PM20D1: variants seen among roughly 807,000 people sequenced by gnomAD.
The protein encoded by PM20D1 is peptidase M20 domain containing 1.
A neutral mutation model predicts 53.8 loss-of-function variants in PM20D1; 53 were observed. The observed-to-expected ratio is 0.98, with a 90% CI of 0.79 to 1.24. PM20D1 has a LOEUF of 1.24. PM20D1 is among the 50% of genes most tolerant of loss of function. The probability of loss-of-function intolerance (pLI) is 0.00; values close to 1 mark genes in which losing one functional copy is unlikely to be tolerated. For synonymous variants in PM20D1, 239 were observed against 241.3 expected, an observed-to-expected ratio of 0.99 and a Z score of 0.09; for missense variants, 564 against 616.8, an observed-to-expected ratio of 0.91 and a Z score of 0.91.
In PM20D1 at chr1:205,849,890, G is replaced by C. The variant is rs111610157; in HGVS notation, c.169+14C>G. On this transcript the variant is annotated intron_variant, in intron 1 of 12. Coordinates refer to ENST00000367136, the MANE Select transcript of PM20D1 (RefSeq NM_152491.5). The stretch of plus-strand genomic sequence containing the variant: ...ACATATGAGCATAGGTGGGTGAAGG[G>C]GACCCGGGTTCACCTTTCAGCGCCT... 3 of 1,605,866 alleles carry C rather than the reference G, an allele frequency of 1.9e-6. No individual in the cohort carries two copies. Among genetic ancestry groups the C allele is most frequent in the Middle Eastern group, 1.7e-4 (1 of 6,038 alleles).
At chr1:205,833,494 C>T (rs1392195327) in intron 10 of PM20D1, among the ~76,000 whole-genome samples, 2 of 152,224 alleles carry the variant, frequency 1.3e-5, no homozygotes, top group African/African-American at 4.8e-5. Context: ...GAGCTCAACA[C>T]AGACAAAAAG....
chr1:205,841,663 A>T, intron 9 of PM20D1, 148 bp downstream of exon 9: 1 of 786,038 alleles, frequency 1.3e-6, no homozygotes, highest in Non-Finnish European at 2.1e-6. Flanking sequence ...TCCCTTCAAG[A>T]TTTCAGAAAG....
In PM20D1 at chr1:205,828,717, G is replaced by C. The variant is rs755179325; in HGVS notation, c.1412C>G (p.Ser471Ter). 1 of 1,614,106 alleles carries C rather than the reference G, an allele frequency of 6.2e-7. No homozygotes were observed. Among genetic ancestry groups the C allele is most frequent in the Non-Finnish European group, 8.5e-7 (1 of 1,179,978 alleles). The change falls in exon 13 of 13, where the codon TCA (serine) becomes TGA (stop). Residue 471 changes from serine to a stop codon, truncating the protein, a stop_gained. Transcript: ENST00000367136. LOFTEE classifies it high-confidence loss of function. The part of the protein sequence containing the change: ...KRIHGVNEKI[S>*]VQAYETQVKF... ...CACTTGGGTCTCATAGGCTTGGACTGAGATTTTCTCGTTGACTCCATGGAT... is the reference window on the plus strand; with the variant it reads ...CACTTGGGTCTCATAGGCTTGGACTCAGATTTTCTCGTTGACTCCATGGAT...
rs565528324 is a variant in PM20D1, at chr1:205,830,260, C to T, written c.1385+20G>A. On this transcript the variant is annotated intron_variant, in intron 12 of 12. Coordinates refer to ENST00000367136, the MANE Select transcript of PM20D1 (RefSeq NM_152491.5). Reference sequence around the variant, plus strand: ...TGTATTTCTTTTCTCCCACCTGCTGCTCAAACCTGTTCCACTCACCGTTTG... The same window carrying T: ...TGTATTTCTTTTCTCCCACCTGCTGTTCAAACCTGTTCCACTCACCGTTTG... The T allele has an allele frequency of 4.1e-5, 62 of 1,530,192 alleles. No individual in the cohort carries two copies. Among genetic ancestry groups the T allele is most frequent in the Non-Finnish European group, 5.4e-5 (60 of 1,103,812 alleles). The allele number at this position is 1,530,192 out of a possible 1,614,324, so 94.8% of individuals were successfully genotyped here. A position where few individuals can be genotyped will look rare whatever the true frequency, so the allele number is the denominator to read the frequency against.
Position 205,842,846 on chromosome 1 carries a change from C to T in PM20D1, c.828-95G>A, listed in dbSNP as rs78333258. On this transcript the variant is annotated intron_variant, in intron 6 of 12. Coordinates refer to ENST00000367136, the MANE Select transcript of PM20D1 (RefSeq NM_152491.5). ...GAAGGGAGATAGGAGGAAGTTTCAA[C>T]GCTCCTGGCCAAGAGGTCTCTCATT... 340 of 1,089,100 alleles carry T rather than the reference C, an allele frequency of 3.1e-4. 1 individual carries two copies. In the East Asian group the frequency reaches 6.1e-3, roughly 19 times the overall value. 67.5% of individuals were successfully genotyped at this position (1,089,100 alleles called of 1,614,324 possible).
rs1289534832 is a variant in PM20D1, at chr1:205,842,060, T to C, written c.965+94A>G. 7 of 1,310,814 alleles carry C rather than the reference T, an allele frequency of 5.3e-6. No homozygotes were observed. The East Asian group carries it at 1.6e-4, about 31-fold the overall frequency. 81.2% of individuals were successfully genotyped at this position (1,310,814 alleles called of 1,614,324 possible). On this transcript the variant is annotated intron_variant, in intron 8 of 12. Coordinates refer to ENST00000367136, the MANE Select transcript of PM20D1 (RefSeq NM_152491.5). Reference sequence around the variant, plus strand: ...GATGCAGTATCTGGTGGCTGAGGGATGATTAGTCAGGCCCAGTTAAGCCAA... The same window carrying C: ...GATGCAGTATCTGGTGGCTGAGGGACGATTAGTCAGGCCCAGTTAAGCCAA...
chr1:205,844,334 C>G, intron 4 of PM20D1, 117 bp from the exon 5 acceptor site: 1 of 1,255,230 alleles, frequency 8.0e-7, no homozygotes, highest in Non-Finnish European at 1.1e-6. Flanking sequence ...TACCTAGTCT[C>G]CTTCCTGGGA....
chr1:205,828,551 A>C lies in PM20D1; in HGVS notation c.*69T>G. The C allele has an allele frequency of 1.3e-6, 2 of 1,589,084 alleles. No homozygotes were observed. The highest frequency in any genetic ancestry group is 1.7e-6 in the Non-Finnish European group (2 of 1,167,764). On this transcript the variant is annotated 3_prime_UTR_variant, in exon 13 of 13. Coordinates refer to ENST00000367136, the MANE Select transcript of PM20D1 (RefSeq NM_152491.5). ...GGTTTTGATCAAAAGTTTCATCAAC[A>C]CTAGCTTTCCCCCTTGGGTTAGTCC...
chr1:205,846,039 C>T (rs1452448632), intron 2 of PM20D1, among the ~76,000 whole-genome samples: 1 of 149,038 alleles, frequency 6.7e-6, no homozygotes. Flanking sequence ...GCTGAGGTTC[C>T]GCCATTGCAC....
chr1:205,850,003 T>C lies in PM20D1; in HGVS notation c.70A>G (p.Arg24Gly). The C allele has an allele frequency of 6.2e-7, 1 of 1,614,158 alleles. No individual in the cohort carries two copies. The highest frequency in any genetic ancestry group is 8.5e-7 in the Non-Finnish European group (1 of 1,180,026). Residue 24 changes from arginine to glycine, a missense_variant, in exon 1 of 13, where the codon AGA (arginine) becomes GGA (glycine). Arg to Gly is a moderately radical substitution (Grantham distance 125). Coordinates refer to ENST00000367136, the MANE Select transcript of PM20D1 (RefSeq NM_152491.5). The part of the protein sequence containing the change: ...MLLLVFPTVS[R>G]SMGPRSGEHQ... Reference sequence around the variant, plus strand: ...TCCCCGCTCCTCGGGCCCATCGATCTGGAGACGGTAGGGAAAACTAGGAGC... The same window carrying C: ...TCCCCGCTCCTCGGGCCCATCGATCCGGAGACGGTAGGGAAAACTAGGAGC...
chr1:205,846,178 G>A lies in PM20D1; in HGVS notation c.257-621C>T, dbSNP rs531277221. Among the ~76,000 whole-genome samples, 4 of 152,170 alleles carry A rather than the reference G, an allele frequency of 2.6e-5. No homozygotes were observed. The South Asian group carries it at 8.3e-4, about 32-fold the overall frequency. On this transcript the variant is annotated intron_variant, in intron 2 of 12. Transcript: ENST00000367136. ...AGGCGGGCAGATCACTTGAGGTCAG[G>A]TGTTCGAAACCAGCCTGGCCCACAT...
In PM20D1 at chr1:205,828,429, G is replaced by A; in HGVS notation, c.*191C>T. 1 of 713,772 alleles carries A rather than the reference G, an allele frequency of 1.4e-6. No homozygotes were observed. The highest frequency in any genetic ancestry group is 2.1e-5 in the South Asian group (1 of 47,328). The allele number at this position is 713,772 out of a possible 1,614,324, so 44.2% of individuals were successfully genotyped here. Reference sequence around the variant, plus strand: ...CAAGGGATGCAGATGTCGGGAGGAAGGGAGAAGCCAGATTTCTGCTGACTT... The same window carrying A: ...CAAGGGATGCAGATGTCGGGAGGAAAGGAGAAGCCAGATTTCTGCTGACTT... On this transcript the variant is annotated 3_prime_UTR_variant, in exon 13 of 13. Transcript: ENST00000367136.
Position 205,828,602 on chromosome 1 carries a change from C to G in PM20D1, c.*18G>C. ...TGTCCCGGGGTCGGGCATGCCTAAC[C>G]CAGCAGGCCCCTTGACCTCACAGTT... is the stretch of plus-strand genomic sequence containing the variant. On this transcript the variant is annotated 3_prime_UTR_variant, in exon 13 of 13. Coordinates refer to ENST00000367136, the MANE Select transcript of PM20D1 (RefSeq NM_152491.5). 1 of 1,613,832 alleles carries G rather than the reference C, an allele frequency of 6.2e-7. No individual in the cohort carries two copies. Among genetic ancestry groups the G allele is most frequent in the Non-Finnish European group, 8.5e-7 (1 of 1,179,908 alleles).
intron 10 of PM20D1, among the ~76,000 whole-genome samples, chr1:205,835,616 C>G (rs572038402): frequency 9.9e-5 from 12 of 121,152 alleles, no homozygotes; most frequent in African/African-American, 3.9e-4. Context: ...CGTGCCACTG[C>G]ACTCCAGCCT....
At chr1:205,835,898 C>T (rs1353065938) in intron 10 of PM20D1, among the ~76,000 whole-genome samples, 9 of 151,252 alleles carry the variant, frequency 6.0e-5, no homozygotes, top group South Asian at 2.1e-4. Flanking sequence ...TTTTTTGAGA[C>T]GGAGTCTCGC....
intron 10 of PM20D1, among the ~76,000 whole-genome samples, chr1:205,838,442 T>C (rs1263712922): frequency 6.6e-6 from 1 of 152,194 alleles, no homozygotes; most frequent in Non-Finnish European, 1.5e-5. Context: ...TGGTTCCTTG[T>C]TATATTCTCT....
intron 6 of PM20D1, 142 bp downstream of exon 6, chr1:205,843,525 T>G (rs1347922535): frequency 8.2e-7 from 1 of 1,218,568 alleles, no homozygotes; most frequent in Non-Finnish European, 1.1e-6. Context: ...CCTTCTGTTC[T>G]TCCTCTAGTG....
rs748933413 is a variant in PM20D1, at chr1:205,843,607, G to A, written c.827+60C>T. On this transcript the variant is annotated intron_variant, in intron 6 of 12. Transcript: ENST00000367136. ...GCTTAGCCTCCTCAAATTTAAAGTG[G>A]GAAAGTGCCAGGGCTTCCATCTCAA... The A allele has an allele frequency of 1.5e-5, 23 of 1,560,748 alleles. No homozygotes were observed. In the East Asian group the frequency reaches 4.1e-4, roughly 28 times the overall value.
At chr1:205,832,486 C>G (rs1656580591) in intron 11 of PM20D1, 112 bp downstream of exon 11, 2 of 1,194,218 alleles carry the variant, frequency 1.7e-6, no homozygotes. Flanking sequence ...GGAGGGGAAG[C>G]AGCCAGCTGT....
Sources: gnomAD v4.1 joint callset for allele counts (sites outside exome capture counted in the v4.1 genomes callset) on GRCh38, gnomAD v4.1.1 for gene constraint, MANE v1.5 for transcripts, NCBI Gene and HGNC (gene_info 2026-07-23, HGNC 2026-07-21) for gene names.